CELF1: variants seen among roughly 807,000 people sequenced by gnomAD.
CELF1 encodes CUGBP Elav-like family member 1, also known as 50 kDa nuclear polyadenylated RNA-binding protein.
Under a neutral mutation model 61.8 loss-of-function variants are expected in CELF1, and 10 were observed. That is an observed-to-expected ratio of 0.16 (90% confidence interval 0.10 to 0.27). The LOEUF is 0.27. CELF1 is among the 10% of genes least tolerant of loss of function. CELF1 has a pLI of 1.00. For missense variants in CELF1, 380 were observed against 639.1 expected (o/e 0.59, Z 4.37); for synonymous variants, 236 against 225.1 (o/e 1.05, Z -0.43).
intron 5 of CELF1, 50 bp downstream of exon 5, chr11:47,487,109 C>CTTA: frequency 7.4e-7 from 1 of 1,358,886 alleles, no homozygotes; most frequent in Non-Finnish European, 1.0e-6. Context: ...TAAGTATATC[C>CTTA]CACATATCAA....
intron 8 of CELF1, 141 bp from the exon 9 acceptor site, chr11:47,482,997 A>T: frequency 1.2e-6 from 1 of 804,950 alleles, no homozygotes; most frequent in Non-Finnish European, 1.9e-6. Context: ...ACAAGAGAGA[A>T]GAGACTGTAA....
chr11:47,558,108 C>T (rs936443343), upstream of CELF1, among the ~76,000 whole-genome samples: 3 of 152,132 alleles, frequency 2.0e-5, no homozygotes, highest in Non-Finnish European at 4.4e-5. Flanking sequence ...CTGCCCGCCT[C>T]AGCCTCCGAA....
At chr11:47,521,203 C>T (rs2095869146) in intron 1 of CELF1, among the ~76,000 whole-genome samples, 2 of 151,244 alleles carry the variant, frequency 1.3e-5, no homozygotes, top group African/African-American at 2.4e-5. Flanking sequence ...AGTGAGCCGA[C>T]GTCGTGCCAC....
intron 3 of CELF1, chr11:47,494,211 G>C: frequency 5.2e-6 from 1 of 191,490 alleles, no homozygotes; most frequent in Non-Finnish European, 9.6e-6. Context: ...ATCAGGGCCT[G>C]CAAGAATGTG....
intron 1 of CELF1, among the ~76,000 whole-genome samples, chr11:47,517,993 C>T (rs1361163765): frequency 6.6e-6 from 1 of 152,076 alleles, no homozygotes; most frequent in African/African-American, 2.4e-5. Context: ...GGCAACCTAG[C>T]CTGCAGACAC....
At chr11:47,485,347 A>T (rs1376597123) in intron 6 of CELF1, among the ~76,000 whole-genome samples, 1 of 151,916 alleles carries the variant, frequency 6.6e-6, no homozygotes, top group Non-Finnish European at 1.5e-5. Context: ...CACCCAGCTA[A>T]TTTTTTGCAG....
chr11:47,491,703 T>C (rs989516490), intron 3 of CELF1, among the ~76,000 whole-genome samples: 1 of 152,210 alleles, frequency 6.6e-6, no homozygotes, highest in Non-Finnish European at 1.5e-5. Flanking sequence ...TTAACACCTT[T>C]GAACATAATC....
chr11:47,471,973 CA>C lies in CELF1; in HGVS notation c.*256del. ...AATAAAGGAGAAACAAAAACAAAAA[CA>C]AAAAAAACCTCAGGATATGGCACCT... On this transcript the variant is annotated 3_prime_UTR_variant, in exon 15 of 15. Coordinates refer to ENST00000687097, the MANE Select transcript of CELF1 (RefSeq NM_001376376.1). The C allele has an allele frequency of 3.1e-5, 12 of 386,094 alleles. No homozygotes were observed. Among genetic ancestry groups the C allele is most frequent in the Non-Finnish European group, 5.2e-5 (11 of 211,670 alleles). 23.9% of individuals were successfully genotyped at this position (386,094 alleles called of 1,614,324 possible).
At chr11:47,538,956 T>A (rs1405711198) in intron 1 of CELF1, among the ~76,000 whole-genome samples, 1 of 152,184 alleles carries the variant, frequency 6.6e-6, no homozygotes, top group Non-Finnish European at 1.5e-5. Context: ...CCATTCACCA[T>A]TACCCTTTGT....
At chr11:47,517,260 GAAAAAA>G (rs57071560) in intron 1 of CELF1, among the ~76,000 whole-genome samples, 2 of 76,994 alleles carry the variant, frequency 2.6e-5, no homozygotes, top group African/African-American at 7.7e-5. Context: ...AACAAACAGA[GAAAAAA>G]AAAAAAAAAA....
At chr11:47,473,529 AAC>A (rs1408496905) in intron 13 of CELF1, among the ~76,000 whole-genome samples, 1 of 152,214 alleles carries the variant, frequency 6.6e-6, no homozygotes, top group African/African-American at 2.4e-5. Flanking sequence ...GGAGCAGGAA[AAC>A]AGAGACTGTA....
chr11:47,549,582 A>G (rs958263072), intron 1 of CELF1, among the ~76,000 whole-genome samples: 1 of 152,216 alleles, frequency 6.6e-6, no homozygotes, highest in Non-Finnish European at 1.5e-5. Context: ...AAAAACAGAC[A>G]TGGTATGATT....
upstream of CELF1, chr11:47,565,523 C>T (rs1598773278): frequency 9.5e-7 from 1 of 1,049,190 alleles, no homozygotes; most frequent in Non-Finnish European, 1.2e-6. Flanking sequence ...CGCGAGAGGC[C>T]TAGTGCAGCT....
At chr11:47,497,563 G>A (rs1206227374) in intron 3 of CELF1, among the ~76,000 whole-genome samples, 2 of 152,238 alleles carry the variant, frequency 1.3e-5, no homozygotes, top group Non-Finnish European at 2.9e-5. Flanking sequence ...CCTACGCCCA[G>A]GCACCCTTGC....
intron 2 of CELF1, among the ~76,000 whole-genome samples, chr11:47,563,897 C>G (rs1393292279): frequency 1.3e-5 from 2 of 148,442 alleles, no homozygotes; most frequent in Non-Finnish European, 3.0e-5. Context: ...GGCAGCTACT[C>G]GGGAGGCTGA....
chr11:47,505,506 G>A (rs749652637), intron 1 of CELF1, among the ~76,000 whole-genome samples: 1 of 150,728 alleles, frequency 6.6e-6, no homozygotes, highest in Non-Finnish European at 1.5e-5. Context: ...AGCCGGCCAT[G>A]GTGGCAGGCA....
chr11:47,534,373 T>G (rs1394881109), intron 1 of CELF1, among the ~76,000 whole-genome samples: 2 of 150,916 alleles, frequency 1.3e-5, no homozygotes, highest in Non-Finnish European at 2.9e-5. Flanking sequence ...TTTTCCAAAG[T>G]TCAAGAAATC....
rs535917751 is a variant in CELF1, at chr11:47,476,763, C to A, written c.1087+83G>T. 2.4e-4 allele frequency: 252 copies of A among 1,071,124 alleles called. 2 individuals carry two copies. The African/African-American group carries it at 2.5e-3, about 11-fold the overall frequency. The allele number at this position is 1,071,124 out of a possible 1,614,324, so 66.4% of individuals were successfully genotyped here. A position where few individuals can be genotyped will look rare whatever the true frequency, so the allele number is the denominator to read the frequency against. On this transcript the variant is annotated intron_variant, in intron 12 of 14. Coordinates refer to ENST00000687097, the MANE Select transcript of CELF1 (RefSeq NM_001376376.1). The stretch of plus-strand genomic sequence containing the variant: ...TTTAACTTCACTGGGCCACTGCAAT[C>A]ATTCCAGTGGTGCCCCTACCAGGGT...
chr11:47,475,296 C>A (rs1224589877), intron 13 of CELF1, 40 bp downstream of exon 13: 1 of 1,600,062 alleles, frequency 6.2e-7, no homozygotes, highest in African/African-American at 1.3e-5. Context: ...AGGAGGAAAA[C>A]CGCCCCCCAT....
Sources: gnomAD v4.1 joint callset for allele counts (sites outside exome capture counted in the v4.1 genomes callset) on GRCh38, gnomAD v4.1.1 for gene constraint, MANE v1.5 for transcripts, NCBI Gene and HGNC (gene_info 2026-07-23, HGNC 2026-07-21) for gene names.